The following RNLS variants were observed in gnomAD, a reference collection of about 807,000 sequenced individuals.
The protein encoded by RNLS is renalase, FAD dependent amine oxidase.
Under a neutral mutation model 39.8 loss-of-function variants are expected in RNLS, and 39 were observed. The ratio of observed to expected loss-of-function variants is 0.98; its 90% confidence interval spans 0.76 to 1.28. The LOEUF (loss-of-function observed/expected upper bound fraction) is 1.28. RNLS is among the 50% of genes most tolerant of loss of function. The pLI is 0.00. For synonymous variants in RNLS, 147 were observed against 150.7 expected (o/e 0.98, Z 0.18); for missense variants, 410 against 413.3 (o/e 0.99, Z 0.07).
At chr10:88,554,261 A>G (rs1159945283) in intron 4 of RNLS, among the ~76,000 whole-genome samples, 2 of 152,166 alleles carry the variant, frequency 1.3e-5, no homozygotes, top group Non-Finnish European at 2.9e-5. Context: ...AAACATTCCA[A>G]TTGAAAACAT....
At chr10:88,278,564 A>G (rs1295489072) in intron 6 of RNLS, among the ~76,000 whole-genome samples, 2 of 152,144 alleles carry the variant, frequency 1.3e-5, no homozygotes, top group African/African-American at 4.8e-5. Flanking sequence ...TTGTTTGCAC[A>G]AGGACAGCAC....
At chr10:88,180,659 C>T in the RNLS span, among the ~76,000 whole-genome samples, 1 of 152,120 alleles carries the variant, frequency 6.6e-6, no homozygotes, top group South Asian at 2.1e-4. Flanking sequence ...AAGTATTCAC[C>T]TGTAATCCCC....
the RNLS span, among the ~76,000 whole-genome samples, chr10:88,265,323 CT>C: frequency 0.21 from 12,555 of 58,880 alleles, 677 homozygotes; most frequent in South Asian, 0.25. Context: ...CAGGGTTTTT[CT>C]TTTTTTTTTT....
intron 4 of RNLS, among the ~76,000 whole-genome samples, chr10:88,457,473 G>A (rs887650418): frequency 5.9e-5 from 9 of 152,184 alleles, no homozygotes; most frequent in Admixed American, 2.0e-4. Flanking sequence ...CACCTCAACT[G>A]CATAATAAAC....
At chr10:88,473,877 CCTT>C (rs1337845905) in intron 4 of RNLS, among the ~76,000 whole-genome samples, 1 of 152,052 alleles carries the variant, frequency 6.6e-6, no homozygotes, top group Admixed American at 6.6e-5. Flanking sequence ...TCTCTTTCCT[CCTT>C]CTTTTCCTTT....
the RNLS span, among the ~76,000 whole-genome samples, chr10:88,235,651 C>T: frequency 6.6e-6 from 1 of 152,144 alleles, no homozygotes; most frequent in Non-Finnish European, 1.5e-5. Flanking sequence ...ATTACAAAGT[C>T]TACTTTTTGT....
rs73360773 is a variant in RNLS at position 88,321,623 on chromosome 10, T to A, written c.701-6982A>T. Among the ~76,000 whole-genome samples the A allele has an allele frequency of 1.8e-3, 268 of 152,148 alleles. 2 individuals carry two copies. Among genetic ancestry groups the A allele is most frequent in the African/African-American group, 6.0e-3 (250 of 41,502 alleles). Reference sequence around the variant, plus strand: ...AAAATGACAAGGGTGACATTACAACTGATACTGCATAAATACAAAAGATTC... The same window carrying A: ...AAAATGACAAGGGTGACATTACAACAGATACTGCATAAATACAAAAGATTC... On this transcript the variant is annotated intron_variant, in intron 5 of 6. Coordinates refer to ENST00000331772, the MANE Select transcript of RNLS (RefSeq NM_001031709.3).
At chr10:88,199,616 A>G in the RNLS span, among the ~76,000 whole-genome samples, 7 of 152,200 alleles carry the variant, frequency 4.6e-5, no homozygotes, top group Non-Finnish European at 2.9e-5. Flanking sequence ...CATCAATGCC[A>G]GTGCAGGACG....
intron 4 of RNLS, among the ~76,000 whole-genome samples, chr10:88,372,656 G>T (rs1271618245): frequency 2.0e-5 from 3 of 152,064 alleles, no homozygotes; most frequent in African/African-American, 7.2e-5. Flanking sequence ...CATTATTGTA[G>T]GCCTACTATG....
chr10:88,542,105 G>C (rs1423876852), intron 4 of RNLS, among the ~76,000 whole-genome samples: 4 of 152,104 alleles, frequency 2.6e-5, no homozygotes, highest in Non-Finnish European at 1.5e-5. Flanking sequence ...TTTTAAGATA[G>C]ATCCCTGTGA....
intron 3 of RNLS, among the ~76,000 whole-genome samples, chr10:88,579,270 G>A (rs576911832): frequency 2.0e-5 from 3 of 152,240 alleles, no homozygotes; most frequent in South Asian, 2.1e-4. Flanking sequence ...TATGGTTATA[G>A]GTCATGACCC....
intron 4 of RNLS, among the ~76,000 whole-genome samples, chr10:88,510,485 C>G (rs1328482335): frequency 6.6e-6 from 1 of 152,068 alleles, no homozygotes; most frequent in Non-Finnish European, 1.5e-5. Context: ...ATGCTCCACT[C>G]AGTAGCAATC....
At chr10:88,339,429 G>A (rs764102392) in intron 5 of RNLS, among the ~76,000 whole-genome samples, 2 of 152,156 alleles carry the variant, frequency 1.3e-5, no homozygotes, top group Admixed American at 1.3e-4. Flanking sequence ...GGTCTTCAGG[G>A]CAGAGATTTT....
the RNLS span, among the ~76,000 whole-genome samples, chr10:88,203,340 GTATGTGTATATATA>G: frequency 0.014 from 92 of 6,626 alleles, 24 homozygotes; most frequent in Non-Finnish European, 0.02. Flanking sequence ...ATATATACAC[GTATGTGTATATATA>G]TACGTATGTG....
At chr10:88,509,914 T>G (rs1175081366) in intron 4 of RNLS, among the ~76,000 whole-genome samples, 1 of 152,180 alleles carries the variant, frequency 6.6e-6, no homozygotes, top group Non-Finnish European at 1.5e-5. Flanking sequence ...AATATAGGAC[T>G]GTTTCTGCCA....
At chr10:88,244,629 C>T in the RNLS span, among the ~76,000 whole-genome samples, 1 of 150,860 alleles carries the variant, frequency 6.6e-6, no homozygotes, top group Admixed American at 6.6e-5. Flanking sequence ...TGTATCATCT[C>T]GATATTAATC....
At chr10:88,184,641 C>T in the RNLS span, among the ~76,000 whole-genome samples, 1 of 152,084 alleles carries the variant, frequency 6.6e-6, no homozygotes, top group Non-Finnish European at 1.5e-5. Context: ...CCATCTTTTG[C>T]ATAAATAAAT....
the RNLS span, among the ~76,000 whole-genome samples, chr10:88,241,099 G>A: frequency 6.7e-6 from 1 of 149,576 alleles, no homozygotes; most frequent in African/African-American, 2.5e-5. Context: ...TAGTACTTTG[G>A]CATGTCTGTT....
At chr10:88,382,723 C>A (rs189278854) in intron 4 of RNLS, among the ~76,000 whole-genome samples, 10 of 152,008 alleles carry the variant, frequency 6.6e-5, no homozygotes, top group Non-Finnish European at 1.2e-4. Context: ...GTTTTCCTTG[C>A]ATCTTGATGA....
Sources: gnomAD v4.1 joint callset for allele counts (sites outside exome capture counted in the v4.1 genomes callset) on GRCh38, gnomAD v4.1.1 for gene constraint, MANE v1.5 for transcripts, NCBI Gene and HGNC (gene_info 2026-07-23, HGNC 2026-07-21) for gene names.